ASTN1: variants seen among roughly 807,000 people sequenced by gnomAD.
The protein encoded by ASTN1 is astrotactin 1, also known as astrotactin-1.
A neutral mutation model predicts 140.7 loss-of-function variants in ASTN1; 41 were observed. The observed-to-expected ratio is 0.29, with a 90% CI of 0.23 to 0.38. The LOEUF (loss-of-function observed/expected upper bound fraction) is 0.38, where lower values mean the gene tolerates loss of function less well. Ranked by LOEUF, ASTN1 falls within the 10% of genes least tolerant of loss-of-function variation. The pLI is 1.00. For missense variants in ASTN1, 1,479 were observed against 1,678.8 expected, an observed-to-expected ratio of 0.88 and a Z score of 2.08; for synonymous variants, 640 against 652.2, an observed-to-expected ratio of 0.98 and a Z score of 0.29.
intron 16 of ASTN1, among the ~76,000 whole-genome samples, chr1:176,911,237 G>A (rs903096182): frequency 1.3e-4 from 20 of 152,172 alleles, no homozygotes; most frequent in Non-Finnish European, 2.9e-5. Flanking sequence ...GCTGCCCTGG[G>A]TGAGTCAGTG....
chr1:176,929,646 T>A (rs576112759), intron 16 of ASTN1, among the ~76,000 whole-genome samples: 1 of 152,324 alleles, frequency 6.6e-6, no homozygotes, highest in African/African-American at 2.4e-5. Flanking sequence ...CAGCTGTTCG[T>A]GCTGAGAAGG....
intron 22 of ASTN1, among the ~76,000 whole-genome samples, chr1:176,867,655 C>A (rs184095842): frequency 1.3e-5 from 2 of 152,312 alleles, no homozygotes; most frequent in East Asian, 3.9e-4. Context: ...AGATCTTACA[C>A]ATAAAATCAT....
intron 8 of ASTN1, among the ~76,000 whole-genome samples, chr1:176,981,072 C>T (rs1012397234): frequency 1.5e-4 from 22 of 151,456 alleles, no homozygotes; most frequent in South Asian, 4.2e-4. Flanking sequence ...ATTAGCTGGG[C>T]GTGGTACCAG....
chr1:176,907,318 G>A (rs1670046450), intron 16 of ASTN1, among the ~76,000 whole-genome samples: 1 of 152,004 alleles, frequency 6.6e-6, no homozygotes, highest in Non-Finnish European at 1.5e-5. Context: ...ACCCCAATAT[G>A]TAAGACAGAT....
At chr1:176,992,416 A>AAAAATTTGT (rs1386618273) in intron 8 of ASTN1, among the ~76,000 whole-genome samples, 4 of 152,256 alleles carry the variant, frequency 2.6e-5, no homozygotes, top group Non-Finnish European at 5.9e-5. Context: ...CTTAAGAAAA[A>AAAAATTTGT]AAAAAAAATT....
chr1:176,882,574 A>G (rs182058695), intron 20 of ASTN1, among the ~76,000 whole-genome samples: 3 of 151,480 alleles, frequency 2.0e-5, no homozygotes, highest in African/African-American at 4.8e-5. Context: ...TTGCTTTTCT[A>G]TCTACATTTA....
chr1:177,106,213 T>C (rs1271888927), intron 1 of ASTN1, among the ~76,000 whole-genome samples: 4 of 152,310 alleles, frequency 2.6e-5, no homozygotes, highest in Admixed American at 2.6e-4. Flanking sequence ...ACTCTGTAAA[T>C]AGTATTTTTA....
chr1:176,942,820 G>GCA (rs1553231483), intron 14 of ASTN1, among the ~76,000 whole-genome samples: 1 of 25,288 alleles, frequency 4.0e-5, no homozygotes, highest in Non-Finnish European at 8.0e-5. Context: ...TTGTGTGTGT[G>GCA]TATATATATA....
chr1:176,944,073 C>T, intron 13 of ASTN1, 55 bp from the exon 14 acceptor site: 3 of 1,564,610 alleles, frequency 1.9e-6, no homozygotes, highest in Non-Finnish European at 2.6e-6. Context: ...TGACTCCTTA[C>T]TGAGCATTTT....
In ASTN1 at chr1:176,894,763, G is replaced by A. The variant is rs1448769436; in HGVS notation, c.2739C>T (p.Tyr913=). The change falls in exon 17 of 23, where the codon TAC becomes TAT. Residue 913 remains tyrosine (Y), a synonymous_variant. Transcript: ENST00000361833. The part of the protein sequence containing the change: ...RDPKVLTFPE[Y]ITSLSDSGTK... ...TGCCGGAGTCTGACAAGCTGGTGAT[G>A]TATTCTGGGAATGTCAGCACCTTGG... 3.7e-6 allele frequency: 6 copies of A among 1,614,212 alleles called. No homozygotes were observed. Among genetic ancestry groups the A allele is most frequent in the African/African-American group, 1.3e-5 (1 of 75,078 alleles).
At chr1:177,116,925 G>A (rs1000084067) in intron 1 of ASTN1, among the ~76,000 whole-genome samples, 6 of 151,998 alleles carry the variant, frequency 3.9e-5, no homozygotes, top group African/African-American at 1.2e-4. Flanking sequence ...CAGGGGACCC[G>A]GGCTTCCACT....
At chr1:177,028,187 T>C (rs1676225070) in intron 5 of ASTN1, among the ~76,000 whole-genome samples, 1 of 152,142 alleles carries the variant, frequency 6.6e-6, no homozygotes, top group Non-Finnish European at 1.5e-5. Flanking sequence ...AGAAACTAAT[T>C]CATTACCATG....
intron 20 of ASTN1, 35 bp downstream of exon 20, chr1:176,882,824 G>A: frequency 1.2e-6 from 2 of 1,613,148 alleles, no homozygotes; most frequent in Non-Finnish European, 1.7e-6. Context: ...GGACTGTCAG[G>A]GTAAGAAGTC....
chr1:176,925,867 A>G (rs1236688606), intron 16 of ASTN1, among the ~76,000 whole-genome samples: 1 of 149,248 alleles, frequency 6.7e-6, no homozygotes, highest in East Asian at 2.0e-4. Flanking sequence ...CTGCAGTGGC[A>G]CAATCTCGGC....
At chr1:177,002,382 C>G (rs1234967848) in intron 8 of ASTN1, among the ~76,000 whole-genome samples, 2 of 32,648 alleles carry the variant, frequency 6.1e-5, no homozygotes, top group Non-Finnish European at 1.0e-4. Flanking sequence ...CACAAACACA[C>G]ACACACACAC....
chr1:176,926,585 A>T (rs1670980876), intron 16 of ASTN1, among the ~76,000 whole-genome samples: 1 of 152,208 alleles, frequency 6.6e-6, no homozygotes, highest in Non-Finnish European at 1.5e-5. Context: ...AGGGCTTTGC[A>T]TGTAACAGGC....
intron 17 of ASTN1, among the ~76,000 whole-genome samples, chr1:176,893,501 T>G (rs991175408): frequency 1.3e-5 from 2 of 152,228 alleles, no homozygotes; most frequent in African/African-American, 2.4e-5. Context: ...TGAAAAACCT[T>G]ATTTTCAAAC....
downstream of ASTN1, among the ~76,000 whole-genome samples, chr1:176,860,878 C>A (rs1667938166): frequency 6.6e-6 from 1 of 152,292 alleles, no homozygotes. Context: ...GGACTCACTA[C>A]TATTATTTAA....
chr1:176,987,663 A>G (rs1673967159), intron 8 of ASTN1, among the ~76,000 whole-genome samples: 1 of 152,170 alleles, frequency 6.6e-6, no homozygotes, highest in Non-Finnish European at 1.5e-5. Flanking sequence ...TACTCTGCTC[A>G]TGGTAACTTT....
Sources: allele counts gnomAD v4.1 joint callset (sites outside exome capture counted in the v4.1 genomes callset), GRCh38; gene constraint gnomAD v4.1.1; transcripts MANE v1.5; gene names NCBI Gene and HGNC (gene_info 2026-07-23, HGNC 2026-07-21).